The following SPTLC3 variants were observed in gnomAD, a reference collection of about 807,000 sequenced individuals.
SPTLC3 encodes the protein serine palmitoyltransferase long chain base subunit 3, also known as serine palmitoyltransferase 3.
In SPTLC3, 36 loss-of-function variants were observed where a neutral mutation model predicts 59.3. The observed-to-expected ratio is 0.61, with a 90% CI of 0.47 to 0.80. The LOEUF (loss-of-function observed/expected upper bound fraction) is 0.80. Among genes scored for constraint, SPTLC3 ranks in the 30% least tolerant of loss-of-function variants. The pLI is 0.00. For missense variants in SPTLC3, 625 were observed against 685.1 expected (o/e 0.91, Z 0.98); for synonymous variants, 257 against 240.8 (o/e 1.07, Z -0.62).
chr20:13,147,630 T>C (rs1040121704), intron 9 of SPTLC3, among the ~76,000 whole-genome samples: 1 of 152,166 alleles, frequency 6.6e-6, no homozygotes, highest in Admixed American at 6.5e-5. Flanking sequence ...TTAATATCAA[T>C]TTGATTTTCC....
At chr20:13,030,622 T>C (rs913583928) in intron 1 of SPTLC3, among the ~76,000 whole-genome samples, 2 of 152,164 alleles carry the variant, frequency 1.3e-5, no homozygotes, top group African/African-American at 4.8e-5. Flanking sequence ...ACTGGACCCC[T>C]GTTACATGTC....
chr20:13,088,784 A>ATTTTTTTT (rs375680092), intron 4 of SPTLC3, among the ~76,000 whole-genome samples: 16 of 111,860 alleles, frequency 1.4e-4, no homozygotes, highest in Non-Finnish European at 1.9e-4. Context: ...GCACCCGGCT[A>ATTTTTTTT]TTTTTTTTTT....
chr20:13,116,659 G>C (rs1041843004), intron 7 of SPTLC3, among the ~76,000 whole-genome samples: 59 of 152,230 alleles, frequency 3.9e-4, no homozygotes, highest in African/African-American at 1.4e-3. Flanking sequence ...CACAGGACTT[G>C]AAGTGCTTTT....
intron 7 of SPTLC3, among the ~76,000 whole-genome samples, chr20:13,112,068 T>A (rs1255123196): frequency 6.6e-6 from 1 of 152,218 alleles, no homozygotes; most frequent in East Asian, 1.9e-4. Context: ...CAGTTACCTA[T>A]TGCCATGTAA....
At chr20:13,092,515 ACTGT>A (rs1989262130) in intron 5 of SPTLC3, among the ~76,000 whole-genome samples, 1 of 152,236 alleles carries the variant, frequency 6.6e-6, no homozygotes, top group Admixed American at 6.5e-5. Context: ...TTAAATTTGA[ACTGT>A]CTATCAAATG....
chr20:13,043,464 C>A (rs4814183), intron 1 of SPTLC3, among the ~76,000 whole-genome samples: 99,446 of 152,096 alleles, frequency 0.65, 32,550 homozygotes, highest in Admixed American at 0.68. Context: ...GAATTGGCAG[C>A]ATTAAGTTGG....
chr20:13,048,934 T>C lies in SPTLC3; in HGVS notation c.118-11T>C, dbSNP rs753805616. The stretch of plus-strand genomic sequence containing the variant: ...AGAATGCTAACCTTGGATTTTCTTT[T>C]GTGTTTTCAGCAAAATGGGAAGCCA... On this transcript the variant is annotated splice_polypyrimidine_tract_variant and intron_variant, in intron 1 of 11. Transcript: ENST00000399002. 6.5e-7 allele frequency: 1 copy of C among 1,539,136 alleles called. No homozygotes were observed. Among genetic ancestry groups the C allele is most frequent in the Non-Finnish European group, 8.7e-7 (1 of 1,148,792 alleles).
chr20:13,073,525 T>C (rs1325290069), intron 3 of SPTLC3: 1 of 162,486 alleles, frequency 6.2e-6, no homozygotes, highest in Non-Finnish European at 1.3e-5. Flanking sequence ...CTTTATTAAA[T>C]CAAATGAATG....
intron 1 of SPTLC3, among the ~76,000 whole-genome samples, chr20:13,039,231 T>C (rs1297151977): frequency 6.6e-6 from 1 of 151,188 alleles, no homozygotes; most frequent in Non-Finnish European, 1.5e-5. Flanking sequence ...TTAAAGACTC[T>C]AATATTATTA....
At chr20:13,044,798 G>A (rs1175491933) in intron 1 of SPTLC3, among the ~76,000 whole-genome samples, 2 of 152,030 alleles carry the variant, frequency 1.3e-5, no homozygotes, top group Non-Finnish European at 2.9e-5. Context: ...CTTTCACAAG[G>A]TCACACAGGC....
intron 3 of SPTLC3, chr20:13,074,143 TG>T: frequency 1.3e-6 from 1 of 744,020 alleles, no homozygotes; most frequent in Non-Finnish European, 2.5e-6. Context: ...TGAGGGGGTC[TG>T]GATCCTCCGA....
chr20:13,073,275 TC>T (rs1988514207), intron 3 of SPTLC3, among the ~76,000 whole-genome samples: 1 of 152,152 alleles, frequency 6.6e-6, no homozygotes. Context: ...CCTTTTTAGC[TC>T]CCACGTTATA....
At chr20:13,055,737 T>G (rs376164025) in intron 2 of SPTLC3, among the ~76,000 whole-genome samples, 1 of 152,128 alleles carries the variant, frequency 6.6e-6, no homozygotes. Context: ...GGGGCCTGAA[T>G]GCAGGAAGGT....
intron 9 of SPTLC3, among the ~76,000 whole-genome samples, chr20:13,134,988 G>A (rs1170330385): frequency 1.3e-5 from 2 of 152,144 alleles, no homozygotes; most frequent in Non-Finnish European, 2.9e-5. Context: ...AAATGCATGT[G>A]CCTCACAACA....
chr20:13,050,136 G>A (rs1374022281), intron 2 of SPTLC3: 1 of 152,110 alleles, frequency 6.6e-6, no homozygotes, highest in African/African-American at 2.4e-5. Context: ...AGCTAATCAG[G>A]GAGAGGCCAG....
chr20:13,159,407 A>G lies in SPTLC3; in HGVS notation c.1416-596A>G, dbSNP rs541112909. On this transcript the variant is annotated intron_variant, in intron 10 of 11. Coordinates refer to ENST00000399002, the MANE Select transcript of SPTLC3 (RefSeq NM_018327.4). ...TATGAAACAATCAGGAGACCTTGCT[A>G]TTTCTTATCTCTGATTTGATGGAAA... 5.3e-5 allele frequency among the ~76,000 whole-genome samples: 8 copies of G among 152,102 alleles called. No homozygotes were observed. The East Asian group carries it at 1.2e-3, about 22-fold the overall frequency.
intron 4 of SPTLC3, among the ~76,000 whole-genome samples, chr20:13,076,524 A>G (rs1032348350): frequency 5.2e-5 from 5 of 96,180 alleles, no homozygotes; most frequent in Non-Finnish European, 1.0e-4. Context: ...GTTCCAGGGG[A>G]AAAAGGAAAA....
At chr20:13,031,662 G>A (rs758678270) in intron 1 of SPTLC3, among the ~76,000 whole-genome samples, 2 of 152,122 alleles carry the variant, frequency 1.3e-5, no homozygotes, top group African/African-American at 2.4e-5. Flanking sequence ...GCTGGGTGCT[G>A]TAAGACACTA....
chr20:13,065,803 ATATT>A (rs1568585617), intron 2 of SPTLC3, among the ~76,000 whole-genome samples: 1 of 151,464 alleles, frequency 6.6e-6, no homozygotes, highest in Admixed American at 6.6e-5. Flanking sequence ...AAAATTCTAA[ATATT>A]TATAGTGTAC....
Sources: gnomAD v4.1 joint callset for allele counts (sites outside exome capture counted in the v4.1 genomes callset) on GRCh38, gnomAD v4.1.1 for gene constraint, MANE v1.5 for transcripts, NCBI Gene and HGNC (gene_info 2026-07-23, HGNC 2026-07-21) for gene names.